The following NRAP variants were observed in gnomAD, a reference collection of about 807,000 sequenced individuals.
NRAP encodes the protein nebulin-related-anchoring protein.
In NRAP, 189 loss-of-function variants were observed where a neutral mutation model predicts 225.9. The observed-to-expected ratio is 0.84, with a 90% CI of 0.74 to 0.94. NRAP has a LOEUF of 0.94. Among genes scored for constraint, NRAP ranks in the 40% least tolerant of loss-of-function variants. The pLI is 0.00. For synonymous variants in NRAP, 769 were observed against 790.7 expected (o/e 0.97, Z 0.46); for missense variants, 2,176 against 2,168.7 (o/e 1.00, Z -0.07).
chr10:113,650,857 T>C (rs1462975128), intron 7 of NRAP, among the ~76,000 whole-genome samples: 1 of 152,230 alleles, frequency 6.6e-6, no homozygotes, highest in African/African-American at 2.4e-5. Flanking sequence ...TCAGCCATTT[T>C]TGGGAGACAC....
chr10:113,590,985 G>T, intron 39 of NRAP, 96 bp from the exon 40 acceptor site: 1 of 1,077,244 alleles, frequency 9.3e-7, no homozygotes, highest in Non-Finnish European at 1.4e-6. Flanking sequence ...TCAGCAGGAG[G>T]CTCAAGAGTG....
At position 113,631,502 on chromosome 10, in the gene NRAP, A is replaced by T. The variant is rs1411413730; in HGVS notation, c.1842+7T>A. On this transcript the variant is annotated splice_region_variant and intron_variant, in intron 18 of 41. Coordinates refer to ENST00000359988, the MANE Select transcript of NRAP (RefSeq NM_198060.4). ...AGTGAGAGGTTGGGGGTTAGAAAAG[A>T]GTTTACCTCACTGCTCATCTTAGCA... 1.9e-6 allele frequency: 3 copies of T among 1,570,256 alleles called. No homozygotes were observed. Among genetic ancestry groups the T allele is most frequent in the Non-Finnish European group, 2.6e-6 (3 of 1,151,124 alleles).
At chr10:113,622,795 T>A (rs889832896) in intron 23 of NRAP, among the ~76,000 whole-genome samples, 2 of 152,204 alleles carry the variant, frequency 1.3e-5, no homozygotes, top group African/African-American at 4.8e-5. Flanking sequence ...GTAACTCAAG[T>A]GCATCCACAG....
At chr10:113,626,234 T>C (rs1848286800) in intron 20 of NRAP, 89 bp from the exon 21 acceptor site, 1 of 797,362 alleles carries the variant, frequency 1.3e-6, no homozygotes, top group Non-Finnish European at 2.0e-6. Context: ...CACACATTCT[T>C]TCTGTGGTCC....
rs1393274874 is a variant in NRAP, at chr10:113,608,584, T to G, written c.3604-72A>C. 8.3e-6 allele frequency: 8 copies of G among 967,994 alleles called. No homozygotes were observed. The East Asian group carries it at 1.9e-4, about 23-fold the overall frequency. 60.0% of individuals were successfully genotyped at this position (967,994 alleles called of 1,614,324 possible). ...AAAACCAGAAGCAGAACCAGTTCTTTAAGTATTAGCCATAAAGCCTCGTTT... is the reference window on the plus strand; with the variant it reads ...AAAACCAGAAGCAGAACCAGTTCTTGAAGTATTAGCCATAAAGCCTCGTTT... On this transcript the variant is annotated intron_variant, in intron 31 of 41. Coordinates refer to ENST00000359988, the MANE Select transcript of NRAP (RefSeq NM_198060.4).
intron 37 of NRAP, among the ~76,000 whole-genome samples, chr10:113,596,758 T>C (rs896634981): frequency 6.6e-6 from 1 of 152,232 alleles, no homozygotes; most frequent in Non-Finnish European, 1.5e-5. Flanking sequence ...ATTGAGAACT[T>C]ACTGTGTTCT....
In NRAP at chr10:113,622,186, TA is replaced by T. The variant is rs775531769; in HGVS notation, c.2458-7del. On this transcript the variant is annotated splice_polypyrimidine_tract_variant and splice_region_variant and intron_variant, in intron 23 of 41. Coordinates refer to ENST00000359988, the MANE Select transcript of NRAP (RefSeq NM_198060.4). ...TAATCCTCCTTGTACTTCACCTAAA[TA>T]AGAGGAATAGAGCAGGGATACATTA... 1.9e-6 allele frequency: 3 copies of T among 1,599,940 alleles called. No homozygotes were observed. The highest frequency in any genetic ancestry group is 2.6e-6 in the Non-Finnish European group (3 of 1,167,784).
intron 15 of NRAP, among the ~76,000 whole-genome samples, 176 bp downstream of exon 15, chr10:113,633,936 T>G (rs1848712833): frequency 6.6e-6 from 1 of 152,182 alleles, no homozygotes; most frequent in Admixed American, 6.5e-5. Context: ...TACTTTTGCA[T>G]GTATTCAAAA....
intron 6 of NRAP, 126 bp from the exon 7 acceptor site, chr10:113,652,033 G>A: frequency 1.4e-6 from 1 of 695,076 alleles, no homozygotes; most frequent in Non-Finnish European, 2.6e-6. Context: ...CAAGTCTTCT[G>A]TGGCTTGTTT....
Position 113,602,210 on chromosome 10 carries a change from C to G in NRAP, c.4227+2399G>C, listed in dbSNP as rs370069788. Among the ~76,000 whole-genome samples, 19 of 152,310 alleles carry G rather than the reference C, an allele frequency of 1.2e-4. No homozygotes were observed. The East Asian group carries it at 1.7e-3, about 14-fold the overall frequency. ...GCTTTTCTGATGGAGAGATGGAGGC[C>G]TAGAAAGGGAAGTGACTGCTCATGG... On this transcript the variant is annotated intron_variant, in intron 35 of 41. Coordinates refer to ENST00000359988, the MANE Select transcript of NRAP (RefSeq NM_198060.4).
chr10:113,600,155 TTCTCTCTCTCTCTCTCTC>T (rs10529111), intron 35 of NRAP, among the ~76,000 whole-genome samples: 1 of 140,198 alleles, frequency 7.1e-6, no homozygotes, highest in Non-Finnish European at 1.5e-5. Flanking sequence ...AGGGGTTATA[TTCTCTCTCTCTCTCTCTC>T]TCTCTCTCTC....
At chr10:113,662,881 G>T in intron 2 of NRAP, 115 bp from the exon 3 acceptor site, 11 of 492,950 alleles carry the variant, frequency 2.2e-5, no homozygotes, top group Non-Finnish European at 2.1e-5. Context: ...ATCAATAAAT[G>T]TAAAACTTAA....
intron 11 of NRAP, 99 bp downstream of exon 11, chr10:113,645,726 C>A: frequency 2.9e-6 from 2 of 678,482 alleles, no homozygotes; most frequent in South Asian, 4.5e-5. Context: ...CGGTGTCACA[C>A]TTTTAACCAG....
chr10:113,598,751 G>T (rs919172047), intron 35 of NRAP, among the ~76,000 whole-genome samples: 1 of 152,138 alleles, frequency 6.6e-6, no homozygotes, highest in African/African-American at 2.4e-5. Flanking sequence ...CATTTTAACC[G>T]CTTCATGCCT....
At chr10:113,621,326 C>T (rs1313020779) in intron 24 of NRAP, among the ~76,000 whole-genome samples, 1 of 152,054 alleles carries the variant, frequency 6.6e-6, no homozygotes, top group African/African-American at 2.4e-5. Context: ...CACACACACA[C>T]ACACACACAC....
At chr10:113,616,665 G>A (rs972754598) in intron 26 of NRAP, among the ~76,000 whole-genome samples, 2 of 152,162 alleles carry the variant, frequency 1.3e-5, no homozygotes, top group Non-Finnish European at 2.9e-5. Flanking sequence ...AGCGCAACCA[G>A]AATCATTTGC....
intron 12 of NRAP, 49 bp from the exon 13 acceptor site, chr10:113,641,521 G>T: frequency 8.7e-7 from 1 of 1,150,786 alleles, no homozygotes; most frequent in Non-Finnish European, 1.3e-6. Flanking sequence ...TTCACAAGTA[G>T]TTGAAGATAA....
intron 4 of NRAP, among the ~76,000 whole-genome samples, chr10:113,655,273 A>C (rs979777070): frequency 6.6e-6 from 1 of 152,214 alleles, no homozygotes; most frequent in East Asian, 1.9e-4. Flanking sequence ...CTCCATTAAA[A>C]TTTAAAAGGG....
At chr10:113,645,636 C>T (rs1049324597) in intron 11 of NRAP, among the ~76,000 whole-genome samples, 189 bp downstream of exon 11, 1 of 152,166 alleles carries the variant, frequency 6.6e-6, no homozygotes, top group African/African-American at 2.4e-5. Flanking sequence ...AGGCTGATCT[C>T]GAACTCCCAA....
Sources: gnomAD v4.1 joint callset for allele counts (sites outside exome capture counted in the v4.1 genomes callset) on GRCh38, gnomAD v4.1.1 for gene constraint, MANE v1.5 for transcripts, NCBI Gene and HGNC (gene_info 2026-07-23, HGNC 2026-07-21) for gene names.